The following LRRTM4 variants were observed in gnomAD, a reference collection of about 807,000 sequenced individuals.
LRRTM4 encodes the protein leucine-rich repeat transmembrane neuronal protein 4.
LRRTM4 carries 25 observed loss-of-function variants against 47.6 expected under a neutral mutation model. The ratio of observed to expected loss-of-function variants is 0.53; its 90% CI spans 0.38 to 0.73. The LOEUF (loss-of-function observed/expected upper bound fraction) is 0.73, where lower values mean the gene tolerates loss of function less well. LRRTM4 is among the 30% of genes least tolerant of loss of function. The probability of loss-of-function intolerance (pLI) is 0.00; values close to 1 mark genes in which losing one functional copy is unlikely to be tolerated. For missense variants in LRRTM4, 638 were observed against 713.4 expected, an observed-to-expected ratio of 0.89 and a Z score of 1.20; for synonymous variants, 311 against 269.5, an observed-to-expected ratio of 1.15 and a Z score of -1.51.
At chr2:76,827,945 T>C (rs1671233569) in intron 3 of LRRTM4, among the ~76,000 whole-genome samples, 1 of 151,882 alleles carries the variant, frequency 6.6e-6, no homozygotes, top group Non-Finnish European at 1.5e-5. Flanking sequence ...TGAAATGAAA[T>C]AATAATTTTC....
intron 3 of LRRTM4, among the ~76,000 whole-genome samples, chr2:77,031,127 T>C (rs1327057732): frequency 2.0e-5 from 3 of 152,162 alleles, no homozygotes; most frequent in South Asian, 4.1e-4. Context: ...ACAGATATTA[T>C]AATTTTTCTG....
intron 3 of LRRTM4, among the ~76,000 whole-genome samples, chr2:77,461,296 T>C (rs571761160): frequency 5.3e-5 from 8 of 152,240 alleles, no homozygotes; most frequent in Non-Finnish European, 1.0e-4. Context: ...TTTTACTTTC[T>C]GGTTATTGTA....
intron 3 of LRRTM4, among the ~76,000 whole-genome samples, chr2:77,372,899 G>T (rs1347579199): frequency 6.6e-6 from 1 of 150,426 alleles, no homozygotes; most frequent in Non-Finnish European, 1.5e-5. Context: ...TAGAACAGCT[G>T]GTCAGACACA....
intron 3 of LRRTM4, among the ~76,000 whole-genome samples, chr2:77,157,733 A>G (rs1672597898): frequency 6.6e-6 from 1 of 152,204 alleles, no homozygotes; most frequent in African/African-American, 2.4e-5. Context: ...TGTGATCCTT[A>G]TGGAAGAAAA....
intron 3 of LRRTM4, among the ~76,000 whole-genome samples, chr2:77,108,609 A>C (rs540650093): frequency 2.4e-4 from 34 of 143,380 alleles, no homozygotes; most frequent in Non-Finnish European, 3.9e-4. Context: ...TTTGAGACGG[A>C]GTCTCGCTCT....
At chr2:77,152,626 C>T (rs1423208589) in intron 3 of LRRTM4, among the ~76,000 whole-genome samples, 1 of 152,064 alleles carries the variant, frequency 6.6e-6, no homozygotes, top group Non-Finnish European at 1.5e-5. Flanking sequence ...CCACGCCCGG[C>T]CACTTTTTTG....
chr2:76,870,613 T>TTGCAAC (rs1159634328), intron 3 of LRRTM4, among the ~76,000 whole-genome samples: 1 of 152,138 alleles, frequency 6.6e-6, no homozygotes, highest in Non-Finnish European at 1.5e-5. Context: ...GGCCTATACC[T>TTGCAAC]TTCCTAATAT....
chr2:77,068,539 A>G (rs902442302), intron 3 of LRRTM4, among the ~76,000 whole-genome samples: 2 of 152,224 alleles, frequency 1.3e-5, no homozygotes, highest in African/African-American at 4.8e-5. Context: ...AACATTTCAT[A>G]TAACTGAATT....
intron 3 of LRRTM4, among the ~76,000 whole-genome samples, chr2:76,815,695 T>C (rs576809920): frequency 6.6e-6 from 1 of 152,264 alleles, no homozygotes; most frequent in Admixed American, 6.6e-5. Flanking sequence ...CAATATCAGA[T>C]TGCTTTCTGA....
chr2:76,985,414 G>C (rs892262870), intron 3 of LRRTM4, among the ~76,000 whole-genome samples: 1 of 151,930 alleles, frequency 6.6e-6, no homozygotes, highest in African/African-American at 2.4e-5. Flanking sequence ...CTTTCCGTTC[G>C]TCTGCTAACA....
intron 3 of LRRTM4, among the ~76,000 whole-genome samples, chr2:77,056,573 T>A (rs1259034503): frequency 6.6e-6 from 1 of 152,084 alleles, no homozygotes; most frequent in African/African-American, 2.4e-5. Context: ...TATTAAAATA[T>A]ATGAAAAGAC....
intron 3 of LRRTM4, among the ~76,000 whole-genome samples, chr2:76,874,403 C>T (rs898438955): frequency 6.6e-6 from 1 of 152,022 alleles, no homozygotes; most frequent in Non-Finnish European, 1.5e-5. Flanking sequence ...AAATGTCTTA[C>T]CACTGTATTC....
At chr2:77,442,724 C>A (rs6749190) in intron 3 of LRRTM4, among the ~76,000 whole-genome samples, 9,469 of 152,202 alleles carry the variant, frequency 0.062, 327 homozygotes, top group African/African-American at 0.072. Flanking sequence ...CAATGGTGAG[C>A]AACAAAAGCT....
chr2:77,460,194 C>T (rs1451228298), intron 3 of LRRTM4, among the ~76,000 whole-genome samples: 11 of 152,064 alleles, frequency 7.2e-5, no homozygotes. Context: ...GTACTGACTC[C>T]CTGAATATCC....
intron 3 of LRRTM4, among the ~76,000 whole-genome samples, chr2:76,819,396 T>G (rs1044131231): frequency 6.6e-6 from 1 of 151,688 alleles, no homozygotes; most frequent in East Asian, 1.9e-4. Context: ...TAAAATGTGG[T>G]CAAAATAGCA....
At chr2:77,017,611 G>A (rs1351902817) in intron 3 of LRRTM4, among the ~76,000 whole-genome samples, 2 of 152,054 alleles carry the variant, frequency 1.3e-5, no homozygotes, top group Admixed American at 1.3e-4. Flanking sequence ...AGGACAGTTT[G>A]ATCACTCCTA....
chr2:76,821,875 TC>T (rs1671062276), intron 3 of LRRTM4, among the ~76,000 whole-genome samples: 1 of 151,604 alleles, frequency 6.6e-6, no homozygotes, highest in Non-Finnish European at 1.5e-5. Flanking sequence ...GACACCTCTC[TC>T]TCCCTGTTCC....
intron 3 of LRRTM4, among the ~76,000 whole-genome samples, chr2:77,303,181 T>C (rs1677177658): frequency 6.6e-6 from 1 of 151,912 alleles, no homozygotes; most frequent in African/African-American, 2.4e-5. Flanking sequence ...TAAAACCCGG[T>C]GTCTCGGAGG....
intron 3 of LRRTM4, among the ~76,000 whole-genome samples, chr2:76,780,578 C>T (rs919565755): frequency 5.3e-5 from 8 of 152,102 alleles, no homozygotes; most frequent in South Asian, 4.2e-4. Context: ...GCATTCTTCA[C>T]GTAGTTCTCG....
Sources: gnomAD v4.1 joint callset for allele counts (sites outside exome capture counted in the v4.1 genomes callset) on GRCh38, gnomAD v4.1.1 for gene constraint, MANE v1.5 for transcripts, NCBI Gene and HGNC (gene_info 2026-07-23, HGNC 2026-07-21) for gene names.